The following PPP1R3F variants were observed in gnomAD, a reference collection of about 807,000 sequenced individuals.
PPP1R3F encodes protein phosphatase 1 regulatory subunit 3F, also known as protein phosphatase 1, regulatory (inhibitor) subunit 3F.
PPP1R3F carries 29 observed loss-of-function variants against 24.2 expected under a neutral mutation model. The ratio of observed to expected loss-of-function variants is 1.20; its 90% confidence interval spans 0.89 to 1.63. The LOEUF is 1.63. Ranked by LOEUF, PPP1R3F falls within the 40% of genes most tolerant of loss-of-function variation. PPP1R3F has a pLI of 0.00. For synonymous variants in PPP1R3F, 363 were observed against 340.1 expected (o/e 1.07, Z -0.74); for missense variants, 823 against 729.3 (o/e 1.13, Z -1.48).
At chrX:49,289,147 A>C (rs1009430612), downstream of PPP1R3F, among the ~76,000 whole-genome samples, 7 of 111,695 alleles carry the variant, frequency 6.3e-5, no homozygotes, top group African/African-American at 2.0e-4. Context: ...AAAACAAAAA[A>C]CAAGGCAAAA....
rs2066298070 is a variant in PPP1R3F at position 49,288,064 on chromosome X, A to C, written c.*974A>C. The C allele has an allele frequency of 8.9e-6, 1 of 112,450 alleles. No individual in the cohort carries two copies. The highest frequency in any genetic ancestry group is 9.4e-5 in the Admixed American group (1 of 10,615). The allele number at this position is 112,450 out of a possible 1,213,427, so 9.3% of individuals were successfully genotyped here. A position where few individuals can be genotyped will look rare whatever the true frequency, so the allele number is the denominator to read the frequency against. ...TGAAAGAAAGATATATATTTATTGC[A>C]TGCAAATAAAAAACTGCTCAACAAA... is the stretch of plus-strand genomic sequence containing the variant. On this transcript the variant is annotated 3_prime_UTR_variant, in exon 4 of 4. Coordinates refer to ENST00000055335, the MANE Select transcript of PPP1R3F (RefSeq NM_033215.5).
chrX:49,285,367 T>C (rs1202863507), intron 3 of PPP1R3F, among the ~76,000 whole-genome samples: 3 of 111,244 alleles, frequency 2.7e-5, no homozygotes, highest in Non-Finnish European at 5.7e-5. Context: ...AGCTAATTTT[T>C]GTATTTTTGG....
At position 49,286,652 on chromosome X, in the gene PPP1R3F, C is replaced by T. The variant is rs1180704265; in HGVS notation, c.1962C>T (p.His654=). 3 of 1,208,875 alleles carry T rather than the reference C, an allele frequency of 2.5e-6. No individual in the cohort carries two copies. The Admixed American group carries it at 6.6e-5, about 26-fold the overall frequency. ...KGMGKDTSSL[H]MNRVIAGVTE... ...TGGGCAAGGACACCAGCTCTTTGCACATGAATAGGGTGATAGCTGGGGTGA... is the reference window on the plus strand; with the variant it reads ...TGGGCAAGGACACCAGCTCTTTGCATATGAATAGGGTGATAGCTGGGGTGA... Residue 654 remains histidine (H), a synonymous_variant, in exon 4 of 4, where the codon CAC becomes CAT. Transcript: ENST00000055335.
chrX:49,300,911 C>T (rs1327593490), intron 3 of PPP1R3F, among the ~76,000 whole-genome samples: 1 of 111,537 alleles, frequency 9.0e-6, no homozygotes, highest in Non-Finnish European at 1.9e-5. Context: ...TCTGCATGAG[C>T]CACTGTTTCT....
intron 1 of PPP1R3F, chrX:49,281,056 A>T (rs926731400): frequency 5.7e-6 from 1 of 175,910 alleles, no homozygotes; most frequent in Non-Finnish European, 1.1e-5. Context: ...GTGTATAATG[A>T]TGTTTCTTAC....
chrX:49,299,537 T>C (rs2066331766), intron 3 of PPP1R3F, among the ~76,000 whole-genome samples: 1 of 112,244 alleles, frequency 8.9e-6, no homozygotes, highest in Non-Finnish European at 1.9e-5. Context: ...GCTTGAGCGC[T>C]GTGCTGGGAG....
intron 1 of PPP1R3F, among the ~76,000 whole-genome samples, chrX:49,271,770 G>A (rs1363290396): frequency 8.8e-6 from 1 of 113,234 alleles, no homozygotes; most frequent in Non-Finnish European, 1.9e-5. Flanking sequence ...CAAGAAAGCA[G>A]TGGCTCTAGC....
intron 1 of PPP1R3F, among the ~76,000 whole-genome samples, chrX:49,271,317 C>T (rs1250201252): frequency 1.8e-5 from 2 of 111,684 alleles, no homozygotes; most frequent in African/African-American, 6.5e-5. Flanking sequence ...TATGCAGATA[C>T]GGTGGGGAGG....
rs782602371 is a variant in PPP1R3F, at chrX:49,293,273, C to T, written c.393-8078C>T. On this transcript the variant is annotated intron_variant, in intron 3 of 3. Coordinates refer to the PPP1R3F transcript ENST00000471261. ...ACACTTGGATAATTTATCCAAATAACGACTCACCTGATGTGATTTGCATGA... is the reference window on the plus strand; with the variant it reads ...ACACTTGGATAATTTATCCAAATAATGACTCACCTGATGTGATTTGCATGA... Among the ~76,000 whole-genome samples the T allele has an allele frequency of 5.3e-5, 6 of 112,405 alleles. No homozygotes were observed. The South Asian group carries it at 1.1e-3, about 21-fold the overall frequency.
intron 3 of PPP1R3F, among the ~76,000 whole-genome samples, chrX:49,284,509 C>CTTTTTTTTTTTTTTTTT (rs145170789): frequency 1.4e-3 from 70 of 50,840 alleles, no homozygotes; most frequent in East Asian, 3.3e-3. Flanking sequence ...CTTTTTCTTT[C>CTTTTTTTTTTTTTTTTT]TTTTTTTTTT....
intron 3 of PPP1R3F, among the ~76,000 whole-genome samples, chrX:49,282,803 C>T (rs937212277): frequency 1.8e-5 from 2 of 109,544 alleles, no homozygotes; most frequent in African/African-American, 6.7e-5. Context: ...TTGGCTTTTA[C>T]TCCGAGTGAG....
In PPP1R3F at chrX:49,295,921, A is replaced by G. The variant is rs1459348764; in HGVS notation, c.393-5430A>G. ...CCCTCACCAGCGTGGTGCATTTGTT[A>G]CAATTGATCATTATCACCCCAATGA... On this transcript the variant is annotated intron_variant, in intron 3 of 3. Coordinates refer to the PPP1R3F transcript ENST00000471261. 3.6e-5 allele frequency among the ~76,000 whole-genome samples: 4 copies of G among 111,114 alleles called. No homozygotes were observed. In the East Asian group the frequency reaches 1.1e-3, roughly 32 times the overall value.
rs782119228 is a variant in PPP1R3F at position 49,270,141 on chromosome X, G to A, written c.272G>A (p.Gly91Glu). 7 of 1,075,868 alleles carry A rather than the reference G, an allele frequency of 6.5e-6. No individual in the cohort carries two copies. The highest frequency in any genetic ancestry group is 6.1e-4 in the Middle Eastern group (2 of 3,303). The allele number at this position is 1,075,868 out of a possible 1,213,427, so 88.7% of individuals were successfully genotyped here. ...GACGATGGCGAGGATGGGGATGAAG[G>A]GGAGGAGGAAGAGGAGGCTTGCCCC... ...EDDDGEDGDEGEEEEEACPEP... is the reference protein window; with the variant it reads ...EDDDGEDGDEEEEEEEACPEP... The change falls in exon 1 of 4, where the codon GGG becomes GAG. Residue 91 changes from glycine to glutamate, a missense_variant. Gly to Glu is a moderately conservative substitution (Grantham distance 98, BLOSUM62 -2). Coordinates refer to ENST00000055335, the MANE Select transcript of PPP1R3F (RefSeq NM_033215.5).
At chrX:49,276,918 A>G (rs1026546969) in intron 1 of PPP1R3F, among the ~76,000 whole-genome samples, 12 of 112,054 alleles carry the variant, frequency 1.1e-4, no homozygotes, top group African/African-American at 3.9e-4. Context: ...TTCTGAAGCC[A>G]CTCATCCCCC....
In PPP1R3F at chrX:49,272,603, C is replaced by T. The variant is rs1265225198; in HGVS notation, c.1004+1730C>T. Among the ~76,000 whole-genome samples the T allele has an allele frequency of 6.2e-5, 7 of 113,028 alleles. No homozygotes were observed. The Admixed American group carries it at 6.5e-4, about 10-fold the overall frequency. ...CGGCTCCGCCCATCAGCTGTGTGGCCTTGCCTCCGTTTCCTTCTCTGCTAA... is the reference window on the plus strand; with the variant it reads ...CGGCTCCGCCCATCAGCTGTGTGGCTTTGCCTCCGTTTCCTTCTCTGCTAA... On this transcript the variant is annotated intron_variant, in intron 1 of 3. Transcript: ENST00000055335.
chrX:49,297,686 G>A (rs1245021351), intron 3 of PPP1R3F, among the ~76,000 whole-genome samples: 1 of 110,863 alleles, frequency 9.0e-6, no homozygotes, highest in Non-Finnish European at 1.9e-5. Context: ...TCCTGTATTG[G>A]GTGCATATAT....
intron 1 of PPP1R3F, among the ~76,000 whole-genome samples, chrX:49,279,742 G>A (rs1255098736): frequency 8.9e-6 from 1 of 112,705 alleles, no homozygotes; most frequent in Non-Finnish European, 1.9e-5. Flanking sequence ...TGCCTCTTAG[G>A]AAGAAAAAGG....
chrX:49,286,691 G>A lies in PPP1R3F; in HGVS notation c.2001G>A (p.Gly667=), dbSNP rs2066287614. 1 of 1,209,717 alleles carries A rather than the reference G, an allele frequency of 8.3e-7. No individual in the cohort carries two copies. Among genetic ancestry groups the A allele is most frequent in the Non-Finnish European group, 1.1e-6 (1 of 894,364 alleles). The change falls in exon 4 of 4, where the codon GGG becomes GGA. Residue 667 remains glycine (G), a synonymous_variant. Transcript: ENST00000055335. ...RVIAGVTESL[G]EAGTEAQIEV... ...TAGCTGGGGTGACTGAGTCCCTGGG[G>A]GAGGCCGGGACAGAAGCCCAGATAG... is the stretch of plus-strand genomic sequence containing the variant.
At chrX:49,300,900 G>A (rs2066335691) in intron 3 of PPP1R3F, among the ~76,000 whole-genome samples, 1 of 111,621 alleles carries the variant, frequency 9.0e-6, no homozygotes, top group Non-Finnish European at 1.9e-5. Context: ...CCCACAGTCA[G>A]TCTGCATGAG....
Sources: gnomAD v4.1 joint callset for allele counts (sites outside exome capture counted in the v4.1 genomes callset) on GRCh38, gnomAD v4.1.1 for gene constraint, MANE v1.5 for transcripts, NCBI Gene and HGNC (gene_info 2026-07-23, HGNC 2026-07-21) for gene names.